The following RPA3 variants were observed in gnomAD, a reference collection of about 807,000 sequenced individuals.
RPA3 encodes the protein replication protein A3, also known as replication protein A 14 kDa subunit.
A neutral mutation model predicts 13.7 loss-of-function variants in RPA3; 24 were observed. The ratio of observed to expected loss-of-function variants is 1.75; its 90% confidence interval spans 1.27 to 2.46. The LOEUF (loss-of-function observed/expected upper bound fraction) is 2.46. Among genes scored for constraint, RPA3 ranks in the 30% most tolerant of loss-of-function variants. The probability of loss-of-function intolerance (pLI) is 0.00; values close to 1 mark genes in which losing one functional copy is unlikely to be tolerated. For missense variants in RPA3, 183 were observed against 151.0 expected (o/e 1.21, Z -1.11); for synonymous variants, 59 against 51.2 (o/e 1.15, Z -0.65).
chr7:7,706,903 G>T (rs1048962971), intron 2 of RPA3, among the ~76,000 whole-genome samples: 1 of 152,070 alleles, frequency 6.6e-6, no homozygotes, highest in Non-Finnish European at 1.5e-5. Context: ...CATTTGCAGG[G>T]GTGGCTAAGA....
chr7:7,664,348 C>T (rs1018071899), intron 4 of RPA3, among the ~76,000 whole-genome samples: 1 of 152,150 alleles, frequency 6.6e-6, no homozygotes, highest in African/African-American at 2.4e-5. Flanking sequence ...TCTTCTCAGT[C>T]TCTCTAGCAT....
At chr7:7,644,486 C>G (rs1431949296) in intron 4 of RPA3, among the ~76,000 whole-genome samples, 3 of 151,894 alleles carry the variant, frequency 2.0e-5, no homozygotes, top group Non-Finnish European at 4.4e-5. Flanking sequence ...TAAAGGTATT[C>G]TATTTTTCCT....
rs1460421573 is a variant in RPA3, at chr7:7,673,685, G to A, written c.-758+12145C>T. Among the ~76,000 whole-genome samples, 4 of 147,436 alleles carry A rather than the reference G, an allele frequency of 2.7e-5. No homozygotes were observed. In the South Asian group the frequency reaches 6.5e-4, roughly 24 times the overall value. ...TTTGGCTGTGTTCTCCAAGTTAAAT[G>A]TGTAAAATCACTTCTTTTTCCCCCC... On this transcript the variant is annotated intron_variant, in intron 4 of 7. Transcript: ENST00000223129.
At chr7:7,641,317 G>A (rs12702628) in intron 4 of RPA3, 142 bp from the exon 5 acceptor site, 74,377 of 152,022 alleles carry the variant, frequency 0.49, 19,510 homozygotes, top group East Asian at 0.81. Context: ...GGGTAACGGG[G>A]AAGAACCACT....
At chr7:7,683,072 A>G (rs551091663) in intron 4 of RPA3, among the ~76,000 whole-genome samples, 32 of 152,306 alleles carry the variant, frequency 2.1e-4, no homozygotes, top group Non-Finnish European at 3.8e-4. Context: ...GTGAAAGGCA[A>G]TTGCATGAAG....
At position 7,688,792 on chromosome 7, in the gene RPA3, T is replaced by C. The variant is rs954194895; in HGVS notation, c.-1027-1464A>G. Among the ~76,000 whole-genome samples, 3 of 152,202 alleles carry C rather than the reference T, an allele frequency of 2.0e-5. No homozygotes were observed. In the East Asian group the frequency reaches 5.8e-4, roughly 29 times the overall value. ...CGTATTTTATAAAATTGTAAGCACA[T>C]GACTATCAAAAAGCTGATCCTCAGT... On this transcript the variant is annotated intron_variant, in intron 2 of 7. Transcript: ENST00000223129.
At chr7:7,674,050 A>T (rs150777784) in intron 4 of RPA3, among the ~76,000 whole-genome samples, 347 of 152,310 alleles carry the variant, frequency 2.3e-3, no homozygotes, top group African/African-American at 7.8e-3. Context: ...TCTTCCCCTG[A>T]GGAAAAGTTT....
chr7:7,714,664 A>G (rs544013137), intron 2 of RPA3, among the ~76,000 whole-genome samples: 3 of 152,178 alleles, frequency 2.0e-5, no homozygotes, highest in Admixed American at 6.5e-5. Flanking sequence ...TTGGACTTAC[A>G]TAAGAAAGAC....
At chr7:7,658,952 G>T (rs1241707521) in intron 4 of RPA3, among the ~76,000 whole-genome samples, 1 of 152,056 alleles carries the variant, frequency 6.6e-6, no homozygotes, top group African/African-American at 2.4e-5. Context: ...TTTTTGGTTG[G>T]TAGGCTATTA....
At chr7:7,658,276 T>C (rs536184975) in intron 4 of RPA3, among the ~76,000 whole-genome samples, 2 of 152,390 alleles carry the variant, frequency 1.3e-5, no homozygotes, top group South Asian at 2.1e-4. Context: ...TTTGGCTTCC[T>C]CTTTTCCTAT....
At chr7:7,641,510 C>T (rs747128098) in intron 4 of RPA3, 5 of 152,170 alleles carry the variant, frequency 3.3e-5, no homozygotes, top group Non-Finnish European at 2.9e-5. Flanking sequence ...ACAGTTTAAA[C>T]CCCCTCAGCA....
intron 4 of RPA3, among the ~76,000 whole-genome samples, chr7:7,667,079 G>A (rs896952975): frequency 2.0e-5 from 3 of 152,214 alleles, no homozygotes; most frequent in Non-Finnish European, 4.4e-5. Context: ...AAAGTGCTGG[G>A]ATTACAGGCG....
chr7:7,652,799 A>AG (rs1395848206), intron 4 of RPA3, among the ~76,000 whole-genome samples: 1 of 152,264 alleles, frequency 6.6e-6, no homozygotes, highest in Non-Finnish European at 1.5e-5. Flanking sequence ...GGGAGGAAGT[A>AG]GTAAGCCTTC....
chr7:7,655,315 G>A (rs776180288), intron 4 of RPA3, among the ~76,000 whole-genome samples: 2 of 152,156 alleles, frequency 1.3e-5, no homozygotes, highest in Non-Finnish European at 2.9e-5. Flanking sequence ...TGAAATCCAC[G>A]TGTCTCATTT....
rs557536323 is a variant in RPA3 at position 7,707,431 on chromosome 7, C to T, written c.-1028+7744G>A. ...GTTTCTAGCACCATCAGCAATGTTA[C>T]CTTGGGTAAATCATTTAAACATGTT... On this transcript the variant is annotated intron_variant, in intron 2 of 7. Transcript: ENST00000223129. Among the ~76,000 whole-genome samples the T allele has an allele frequency of 2.0e-5, 3 of 152,262 alleles. No individual in the cohort carries two copies. The East Asian group carries it at 5.8e-4, about 29-fold the overall frequency.
chr7:7,694,347 G>A (rs752886450), intron 2 of RPA3, among the ~76,000 whole-genome samples: 2 of 152,008 alleles, frequency 1.3e-5, no homozygotes, highest in African/African-American at 2.4e-5. Flanking sequence ...TATCCATCAC[G>A]TCAAGCATTT....
intron 4 of RPA3, among the ~76,000 whole-genome samples, chr7:7,667,643 G>T (rs1284486828): frequency 6.6e-6 from 1 of 152,178 alleles, no homozygotes; most frequent in Non-Finnish European, 1.5e-5. Flanking sequence ...TAGATGTTGT[G>T]CAGGTAGTAA....
At chr7:7,663,490 A>G (rs1326398564) in intron 4 of RPA3, among the ~76,000 whole-genome samples, 1 of 152,310 alleles carries the variant, frequency 6.6e-6, no homozygotes, top group Non-Finnish European at 1.5e-5. Context: ...ACTACAAAAT[A>G]AAAAACCTAG....
chr7:7,684,668 A>G (rs888049516), intron 4 of RPA3, among the ~76,000 whole-genome samples: 6 of 152,224 alleles, frequency 3.9e-5, no homozygotes, highest in African/African-American at 1.2e-4. Flanking sequence ...AATTAATTAT[A>G]CAATGTGAAT....
Sources: allele counts gnomAD v4.1 joint callset (sites outside exome capture counted in the v4.1 genomes callset), GRCh38; gene constraint gnomAD v4.1.1; transcripts MANE v1.5; gene names NCBI Gene and HGNC (gene_info 2026-07-23, HGNC 2026-07-21).